The following MEF2B variants were observed in gnomAD, a reference collection of about 807,000 sequenced individuals.
The protein encoded by MEF2B is myocyte-specific enhancer factor 2B.
MEF2B carries 15 observed loss-of-function variants against 32.2 expected under a neutral mutation model. The ratio of observed to expected loss-of-function variants is 0.47; its 90% confidence interval spans 0.31 to 0.72. The LOEUF (loss-of-function observed/expected upper bound fraction) is 0.72, where lower values mean the gene tolerates loss of function less well. Among genes scored for constraint, MEF2B ranks in the 30% least tolerant of loss-of-function variants. MEF2B has a pLI of 0.05. For synonymous variants in MEF2B, 205 were observed against 225.6 expected (o/e 0.91, Z 0.82); for missense variants, 441 against 511.5 (o/e 0.86, Z 1.33).
chr19:19,154,425 G>A (rs1355449610), intron 1 of MEF2B, among the ~76,000 whole-genome samples: 1 of 152,154 alleles, frequency 6.6e-6, no homozygotes, highest in Non-Finnish European at 1.5e-5. Context: ...GCCTCCCAAA[G>A]TGCTGGGATT....
At chr19:19,152,825 C>T (rs2060094034) in intron 1 of MEF2B, among the ~76,000 whole-genome samples, 1 of 152,216 alleles carries the variant, frequency 6.6e-6, no homozygotes, top group Non-Finnish European at 1.5e-5. Context: ...TTAGATACCT[C>T]GGCTGGCAGA....
chr19:19,163,425 C>T (rs1273414877), intron 1 of MEF2B, among the ~76,000 whole-genome samples: 4 of 152,126 alleles, frequency 2.6e-5, no homozygotes, highest in African/African-American at 7.2e-5. Flanking sequence ...GCTGGGATTA[C>T]AGGTGTAAGC....
intron 1 of MEF2B, among the ~76,000 whole-genome samples, chr19:19,164,930 G>A (rs907272812): frequency 6.6e-6 from 1 of 152,192 alleles, no homozygotes; most frequent in African/African-American, 2.4e-5. Context: ...TCCCTGCGGG[G>A]CCTCAGAAAT....
chr19:19,149,152 A>G, intron 3 of MEF2B, 74 bp downstream of exon 3: 3 of 1,566,808 alleles, frequency 1.9e-6, no homozygotes, highest in Non-Finnish European at 2.6e-6. Context: ...TTTTGTGCAA[A>G]CCAAGAGTCC....
In MEF2B at chr19:19,145,889, A is replaced by G; in HGVS notation, c.1015T>C (p.Tyr339His). ...GPGDFPKTFPYPLLLARSLAE... is the reference protein window; with the variant it reads ...GPGDFPKTFPHPLLLARSLAE... ...AGGGACCGGGCGAGGAGCAAGGGATAGGGGAAGGTCTTAGGAAAGTCGCCG... is the reference window on the plus strand; with the variant it reads ...AGGGACCGGGCGAGGAGCAAGGGATGGGGGAAGGTCTTAGGAAAGTCGCCG... Residue 339 changes from tyrosine to histidine, a missense_variant, in exon 9 of 9, where the codon TAT becomes CAT. By Grantham distance (83) the Tyr-to-His change is moderately conservative (BLOSUM62 2). Transcript: ENST00000424583. The surrounding 1 kb of genome is among the most constrained non-coding windows in gnomAD (Gnocchi z 4.6). 1 of 1,464,102 alleles carries G rather than the reference A, an allele frequency of 6.8e-7. No homozygotes were observed. The highest frequency in any genetic ancestry group is 9.0e-7 in the Non-Finnish European group (1 of 1,106,074). 90.7% of individuals were successfully genotyped at this position (1,464,102 alleles called of 1,614,324 possible).
At position 19,170,208 on chromosome 19, in the gene MEF2B, C is replaced by G. The variant is rs112219830; in HGVS notation, c.-33G>C. 515 of 398,548 alleles carry G rather than the reference C, an allele frequency of 1.3e-3. 2 individuals are homozygous for G. The highest frequency in any genetic ancestry group is 9.5e-3 in the African/African-American group (461 of 48,754). The allele number at this position is 398,548 out of a possible 1,614,324, so 24.7% of individuals were successfully genotyped here. A position where few individuals can be genotyped will look rare whatever the true frequency, so the allele number is the denominator to read the frequency against. ...CTCAACCCGATATGACACGCACCTG[C>G]TCGGCCTGGGCCCTGGGACGCTGGG... On this transcript the variant is annotated 5_prime_UTR_variant, in exon 1 of 9. Transcript: ENST00000424583.
chr19:19,155,553 C>A (rs2060114515), intron 1 of MEF2B, among the ~76,000 whole-genome samples: 1 of 152,212 alleles, frequency 6.6e-6, no homozygotes, highest in African/African-American at 2.4e-5. Flanking sequence ...TACAGCTTCC[C>A]TCAACAACTT....
At chr19:19,165,164 T>TC (rs2060197239) in intron 1 of MEF2B, among the ~76,000 whole-genome samples, 1 of 151,274 alleles carries the variant, frequency 6.6e-6, no homozygotes, top group Non-Finnish European at 1.5e-5. Flanking sequence ...GAGCAAGGCC[T>TC]CCCCCCATCA....
intron 1 of MEF2B, among the ~76,000 whole-genome samples, chr19:19,168,516 G>T (rs1284400154): frequency 6.6e-6 from 1 of 151,410 alleles, no homozygotes; most frequent in Admixed American, 6.6e-5. Context: ...CAGGTGATCC[G>T]CCCGCCTCAG....
At chr19:19,163,361 G>A (rs541274619) in intron 1 of MEF2B, among the ~76,000 whole-genome samples, 2 of 152,088 alleles carry the variant, frequency 1.3e-5, no homozygotes, top group African/African-American at 4.8e-5. Context: ...TGTTGCCCAG[G>A]CTGGTCTCAA....
intron 1 of MEF2B, among the ~76,000 whole-genome samples, chr19:19,160,505 C>T (rs1468870868): frequency 2.0e-5 from 3 of 151,894 alleles, no homozygotes; most frequent in African/African-American, 4.8e-5. Context: ...GGCACCCCTG[C>T]GGGACTTTAC....
Position 19,147,095 on chromosome 19 carries a change from A to C in MEF2B, c.482T>G (p.Leu161Arg), listed in dbSNP as rs142225963. 7 of 1,609,372 alleles carry C rather than the reference A, an allele frequency of 4.3e-6. No individual in the cohort carries two copies. Among genetic ancestry groups the C allele is most frequent in the Non-Finnish European group, 5.9e-6 (7 of 1,178,858 alleles). Reference sequence around the variant, plus strand: ...GGGAGATGGGCGGCTCTGGGCGGGCAGTGCTTCCCCAAGCCCACTGGGGTC... The same window carrying C: ...GGGAGATGGGCGGCTCTGGGCGGGCCGTGCTTCCCCAAGCCCACTGGGGTC... ...GCDPSGLGEA[L>R]PAQSRPSPFR... Residue 161 changes from leucine to arginine, a missense_variant, in exon 5 of 9, where the codon CTG becomes CGG. Coordinates refer to ENST00000424583, the MANE Select transcript of MEF2B (RefSeq NM_001145785.2).
At chr19:19,161,738 G>C (rs2060165050) in intron 1 of MEF2B, among the ~76,000 whole-genome samples, 1 of 134,158 alleles carries the variant, frequency 7.5e-6, no homozygotes, top group East Asian at 2.1e-4. Context: ...ATCCATGCTG[G>C]TCCCCCATTA....
intron 1 of MEF2B, among the ~76,000 whole-genome samples, chr19:19,159,905 T>C (rs544236533): frequency 3.9e-4 from 59 of 151,758 alleles, no homozygotes; most frequent in Admixed American, 1.3e-4. Context: ...TACCTGTTAA[T>C]TGGGGGTGAG....
At chr19:19,151,958 AT>A (rs201703145) in intron 1 of MEF2B, among the ~76,000 whole-genome samples, 452 of 116,562 alleles carry the variant, frequency 3.9e-3, no homozygotes, top group African/African-American at 6.3e-3. Context: ...CCCCATCTCT[AT>A]TTTTTTTTTT....
At chr19:19,168,679 G>A (rs902769634) in intron 1 of MEF2B, among the ~76,000 whole-genome samples, 3 of 150,896 alleles carry the variant, frequency 2.0e-5, no homozygotes, top group South Asian at 2.1e-4. Flanking sequence ...CTGCAGACTC[G>A]AACTCCTCGG....
At chr19:19,167,531 G>A (rs11085255) in intron 1 of MEF2B, among the ~76,000 whole-genome samples, 50,929 of 151,518 alleles carry the variant, frequency 0.34, 8,960 homozygotes, top group Non-Finnish European at 0.39. Flanking sequence ...CAAAAACAAA[G>A]AAAGAAAGAA....
Position 19,145,687 on chromosome 19 carries a change from G to T in MEF2B, c.*110C>A, listed in dbSNP as rs552741177. ...CCACCTCCAAGCCCCCACCGCGGAG[G>T]GGGGCGTCACTGTTGGGTCTTCTCT... On this transcript the variant is annotated 3_prime_UTR_variant, in exon 9 of 9. Transcript: ENST00000424583. This position sits in a 1 kb window ranked among gnomAD's most constrained non-coding sequence, Gnocchi z 4.6. 1.4e-5 allele frequency: 22 copies of T among 1,550,160 alleles called. No homozygotes were observed. The highest frequency in any genetic ancestry group is 1.2e-4 in the African/African-American group (9 of 73,406).
At chr19:19,164,560 T>A (rs1384089504) in intron 1 of MEF2B, among the ~76,000 whole-genome samples, 1 of 152,188 alleles carries the variant, frequency 6.6e-6, no homozygotes, top group Non-Finnish European at 1.5e-5. Context: ...ACGCCTGTAA[T>A]CCCACTACTT....
Sources: allele counts gnomAD v4.1 joint callset (sites outside exome capture counted in the v4.1 genomes callset), GRCh38; gene constraint gnomAD v4.1.1; non-coding constraint Gnocchi (gnomAD v3.1); transcripts MANE v1.5; gene names NCBI Gene and HGNC (gene_info 2026-07-23, HGNC 2026-07-21).